Variants in PPP2R2C observed in about 807,000 individuals in gnomAD.
PPP2R2C encodes protein phosphatase 2, regulatory subunit B, gamma.
Under a neutral mutation model 45.3 loss-of-function variants are expected in PPP2R2C, and 10 were observed. The observed-to-expected ratio is 0.22, with a 90% CI of 0.14 to 0.37. The LOEUF is 0.37. PPP2R2C is among the 10% of genes least tolerant of loss of function. The probability of loss-of-function intolerance (pLI) is 1.00; values close to 1 mark genes in which losing one functional copy is unlikely to be tolerated. For synonymous variants in PPP2R2C, 257 were observed against 245.4 expected, an observed-to-expected ratio of 1.05 and a Z score of -0.44; for missense variants, 308 against 619.7, an observed-to-expected ratio of 0.50 and a Z score of 5.34.
At chr4:6,503,234 C>T (rs951025032) in intron 2 of PPP2R2C, among the ~76,000 whole-genome samples, 4 of 152,196 alleles carry the variant, frequency 2.6e-5, no homozygotes, top group African/African-American at 9.7e-5. Context: ...TTCCTCAGCC[C>T]ACCCCACTCC....
intron 1 of PPP2R2C, among the ~76,000 whole-genome samples, chr4:6,452,807 T>C (rs1449514752): frequency 6.6e-6 from 1 of 152,220 alleles, no homozygotes; most frequent in East Asian, 1.9e-4. Flanking sequence ...GGAAGCAAAG[T>C]AGCCGACTGA....
intron 1 of PPP2R2C, among the ~76,000 whole-genome samples, chr4:6,434,786 G>A (rs954982200): frequency 4.6e-4 from 3 of 6,540 alleles, no homozygotes; most frequent in Non-Finnish European, 4.4e-3. Context: ...TTGCCTATAC[G>A]ATAGATAAAA....
At chr4:6,486,812 T>C (rs1457859551) in intron 2 of PPP2R2C, among the ~76,000 whole-genome samples, 5 of 152,082 alleles carry the variant, frequency 3.3e-5, no homozygotes, top group East Asian at 1.9e-4. Flanking sequence ...TGTCTTTTTA[T>C]TGGGATATTT....
intron 1 of PPP2R2C, among the ~76,000 whole-genome samples, chr4:6,439,342 C>A (rs1720036394): frequency 6.6e-6 from 1 of 152,232 alleles, no homozygotes; most frequent in African/African-American, 2.4e-5. Flanking sequence ...TTGTGACGTG[C>A]ACTGATTTAT....
At chr4:6,434,971 T>C (rs1043500758) in intron 1 of PPP2R2C, among the ~76,000 whole-genome samples, 6 of 152,240 alleles carry the variant, frequency 3.9e-5, no homozygotes, top group South Asian at 2.1e-4. Flanking sequence ...TACTTCTCTA[T>C]GTCTTTCTGT....
intron 1 of PPP2R2C, chr4:6,383,145 C>T: frequency 8.6e-7 from 1 of 1,164,032 alleles, no homozygotes; most frequent in Non-Finnish European, 1.1e-6. Flanking sequence ...TGGGGGTTGC[C>T]ATCAACGCCT....
chr4:6,380,936 GCCTCCCACCTGACTCTGCTCCCCACC>G, intron 2 of PPP2R2C, 35 bp downstream of exon 2: 4 of 935,034 alleles, frequency 4.3e-6, no homozygotes, highest in Non-Finnish European at 5.9e-6. Context: ...CACCATGCCC[GCCTCCCACCTGACTCTGCTCCCCACC>G]CCTCCCACCT....
chr4:6,341,702 T>A (rs2109205541), intron 6 of PPP2R2C, among the ~76,000 whole-genome samples: 1 of 152,048 alleles, frequency 6.6e-6, no homozygotes, highest in Non-Finnish European at 1.5e-5. Flanking sequence ...AGGGTCTGTA[T>A]AGGAGGAAGA....
At position 6,379,337 on chromosome 4, in the gene PPP2R2C, C is replaced by T. The variant is rs144673683; in HGVS notation, c.169-765G>A. Among the ~76,000 whole-genome samples the T allele has an allele frequency of 3.9e-3, 588 of 152,260 alleles. 2 individuals carry two copies. The highest frequency in any genetic ancestry group is 0.013 in the African/African-American group (536 of 41,548). On this transcript the variant is annotated intron_variant, in intron 2 of 8. Coordinates refer to ENST00000382599, the MANE Select transcript of PPP2R2C (RefSeq NM_020416.4). ...TTCCCAGGAGAGAGTTCAACTCATA[C>T]GACAACACGAAACCCCAACCAGGGA...
chr4:6,463,957 G>A, intron 1 of PPP2R2C, among the ~76,000 whole-genome samples: 1 of 152,202 alleles, frequency 6.6e-6, no homozygotes, highest in Non-Finnish European at 1.5e-5. Flanking sequence ...AATCAGAACT[G>A]AACAGGCCAC....
chr4:6,351,174 C>T (rs771791044), intron 5 of PPP2R2C: 4 of 519,310 alleles, frequency 7.7e-6, no homozygotes, highest in South Asian at 8.4e-5. Flanking sequence ...ATTAGCCAGG[C>T]GTGGTGGCAC....
intron 5 of PPP2R2C, among the ~76,000 whole-genome samples, chr4:6,370,090 AG>A (rs1466724339): frequency 1.3e-5 from 2 of 152,202 alleles, no homozygotes; most frequent in Admixed American, 6.5e-5. Flanking sequence ...CAAGTCCGGC[AG>A]GAAGGAAGCA....
intron 1 of PPP2R2C, among the ~76,000 whole-genome samples, chr4:6,469,312 T>C (rs779108039): frequency 6.6e-6 from 1 of 152,044 alleles, no homozygotes; most frequent in African/African-American, 2.4e-5. Context: ...CAACAGCCAT[T>C]GCAAACGCCC....
intron 1 of PPP2R2C, among the ~76,000 whole-genome samples, chr4:6,385,761 G>A (rs1716165417): frequency 6.6e-6 from 1 of 151,954 alleles, no homozygotes; most frequent in Admixed American, 6.6e-5. Context: ...GTAGAGATGG[G>A]GTTTCACCAT....
rs1202840284 is a variant in PPP2R2C at position 6,345,307 on chromosome 4, G to A, written c.790+2539C>T. On this transcript the variant is annotated intron_variant, in intron 6 of 8. Transcript: ENST00000382599. This position sits in a 1 kb window ranked among gnomAD's most constrained non-coding sequence, Gnocchi z 5.3. Reference sequence around the variant, plus strand: ...TGGCCTGAGTGAATGGGCGGGAGGCGTAGGTGGGGGGGCAGTGTCCTGTAG... The same window carrying A: ...TGGCCTGAGTGAATGGGCGGGAGGCATAGGTGGGGGGGCAGTGTCCTGTAG... Among the ~76,000 whole-genome samples the A allele has an allele frequency of 6.6e-6, 1 of 152,186 alleles. No individual in the cohort carries two copies. The highest frequency in any genetic ancestry group is 6.5e-5 in the Admixed American group (1 of 15,286).
At chr4:6,423,392 C>T (rs563964766) in intron 1 of PPP2R2C, among the ~76,000 whole-genome samples, 131 of 152,232 alleles carry the variant, frequency 8.6e-4, no homozygotes, top group African/African-American at 3.0e-3. Flanking sequence ...TTAGTAGAGA[C>T]GAGGTTTCAC....
At chr4:6,527,399 C>T (rs961336857) in intron 2 of PPP2R2C, among the ~76,000 whole-genome samples, 10 of 151,972 alleles carry the variant, frequency 6.6e-5, no homozygotes, top group African/African-American at 2.4e-4. Context: ...CCAGGCGGAA[C>T]AGAACACCCC....
At chr4:6,405,632 T>C (rs907496887) in intron 1 of PPP2R2C, among the ~76,000 whole-genome samples, 6 of 152,058 alleles carry the variant, frequency 3.9e-5, no homozygotes, top group African/African-American at 1.4e-4. Context: ...AGTGATTAGA[T>C]GGAGGGAGGG....
intron 1 of PPP2R2C, among the ~76,000 whole-genome samples, chr4:6,424,978 CAA>C (rs1483878674): frequency 6.6e-6 from 1 of 152,192 alleles, no homozygotes; most frequent in Admixed American, 6.5e-5. Flanking sequence ...AATGGGGACA[CAA>C]GAGTCTCTAC....
Sources: allele counts gnomAD v4.1 joint callset (sites outside exome capture counted in the v4.1 genomes callset), GRCh38; gene constraint gnomAD v4.1.1; non-coding constraint Gnocchi (gnomAD v3.1); transcripts MANE v1.5; gene names NCBI Gene and HGNC (gene_info 2026-07-23, HGNC 2026-07-21).